The following CHERP variants were observed in gnomAD, a reference collection of about 807,000 sequenced individuals.
CHERP encodes the protein calcium homeostasis endoplasmic reticulum protein.
A neutral mutation model predicts 113.8 loss-of-function variants in CHERP; 8 were observed. That is an observed-to-expected ratio of 0.07 (90% CI 0.04 to 0.13). The LOEUF is 0.13. Among genes scored for constraint, CHERP ranks in the 10% least tolerant of loss-of-function variants. The pLI, the probability that CHERP is intolerant of heterozygous loss-of-function variation, is 1.00. For synonymous variants in CHERP, 559 were observed against 524.5 expected, an observed-to-expected ratio of 1.07 and a Z score of -0.90; for missense variants, 884 against 1,298.2, an observed-to-expected ratio of 0.68 and a Z score of 4.90.
intron 11 of CHERP, 87 bp from the exon 12 acceptor site, chr19:16,521,741 G>A: frequency 6.8e-6 from 9 of 1,324,230 alleles, no homozygotes; most frequent in Non-Finnish European, 9.0e-6. Flanking sequence ...GGTCAGGGCA[G>A]GGCCCAGGTT....
Position 16,532,882 on chromosome 19 carries a change from C to T in CHERP, c.522+129G>A. The stretch of plus-strand genomic sequence containing the variant: ...GCGTGGGGGGCACAGGGTCCCACAG[C>T]CTCAGGAGCTCCAGGCGGGAGGGAA... On this transcript the variant is annotated intron_variant, in intron 4 of 16. Coordinates refer to ENST00000546361, the MANE Select transcript of CHERP (RefSeq NM_006387.6). The surrounding 1 kb of genome is among the most constrained non-coding windows in gnomAD (Gnocchi z 4.4). 1 of 1,520,510 alleles carries T rather than the reference C, an allele frequency of 6.6e-7. No individual in the cohort carries two copies. Among genetic ancestry groups the T allele is most frequent in the African/African-American group, 1.4e-5 (1 of 73,096 alleles). 94.2% of individuals were successfully genotyped at this position (1,520,510 alleles called of 1,614,324 possible).
In CHERP at chr19:16,541,818, T is replaced by C. The variant is rs1012602130; in HGVS notation, c.199+52A>G. The C allele has an allele frequency of 2.5e-6, 4 of 1,570,686 alleles. No individual in the cohort carries two copies. In the African/African-American group the frequency reaches 5.5e-5, roughly 22 times the overall value. The stretch of plus-strand genomic sequence containing the variant: ...GTTTGTGGCAGAGCCCGGACTGGAA[T>C]CCGAGAAAGGAAGCGCTCGATGGGA... On this transcript the variant is annotated intron_variant, in intron 2 of 16. Coordinates refer to ENST00000546361, the MANE Select transcript of CHERP (RefSeq NM_006387.6).
At position 16,521,561 on chromosome 19, in the gene CHERP, C is replaced by T; in HGVS notation, c.2074G>A (p.Ala692Thr). The change falls in exon 12 of 17, where the codon GCC becomes ACC. Residue 692 changes from alanine to threonine, a missense_variant. This residue lies in a region of CHERP where 464 missense variants were observed against 590.1 expected (regional missense o/e 0.79). Transcript: ENST00000546361. The stretch of plus-strand genomic sequence containing the variant: ...TCGTGGGACGGGGGGCTGTAGAAGG[C>T]CTCCACTGCAGCCAGCAGCCTCTCG... Reference protein sequence around the residue: ...PSERLLAAVEAFYSPPSHDRP... With the variant: ...PSERLLAAVETFYSPPSHDRP... The T allele has an allele frequency of 6.2e-7, 1 of 1,605,782 alleles. No homozygotes were observed. The highest frequency in any genetic ancestry group is 8.5e-7 in the Non-Finnish European group (1 of 1,177,248).
At chr19:16,524,035 TGAGGCCCA>T (rs2085640001) in intron 10 of CHERP, among the ~76,000 whole-genome samples, 1 of 152,146 alleles carries the variant, frequency 6.6e-6, no homozygotes, top group South Asian at 2.1e-4. Context: ...GTAGATCACT[TGAGGCCCA>T]GAGTTTGAGA....
chr19:16,525,621 G>A lies in CHERP; in HGVS notation c.1362C>T (p.Pro454=), dbSNP rs889798888. The change falls in exon 10 of 17, where the codon CCC becomes CCT. Residue 454 remains proline, a synonymous_variant. Transcript: ENST00000546361. The surrounding 1 kb of genome is among the most constrained non-coding windows in gnomAD (Gnocchi z 6.5). Reference sequence around the variant, plus strand: ...ACATGCCCTCATGGCTGTTGTTCCAGGGGGGGCAGTGGGGTGGGCCGCCCT... The same window carrying A: ...ACATGCCCTCATGGCTGTTGTTCCAAGGGGGGCAGTGGGGTGGGCCGCCCT... The part of the protein sequence containing the change: ...HHQGGPPHCP[P]WNNSHEGMWG... 3 of 1,531,674 alleles carry A rather than the reference G, an allele frequency of 2.0e-6. No individual in the cohort carries two copies. The highest frequency in any genetic ancestry group is 1.8e-6 in the Non-Finnish European group (2 of 1,141,720). 94.9% of individuals were successfully genotyped at this position (1,531,674 alleles called of 1,614,324 possible). A position where few individuals can be genotyped will look rare whatever the true frequency, so the allele number is the denominator to read the frequency against.
At chr19:16,521,446 CAGA>C (rs1236746695) in intron 12 of CHERP, 72 bp downstream of exon 12, 12 of 1,387,530 alleles carry the variant, frequency 8.6e-6, no homozygotes, top group Admixed American at 5.3e-5. Flanking sequence ...CTAGCCTGGA[CAGA>C]AGGTGTGGTT....
At chr19:16,542,204 G>A (rs1364042095) in intron 1 of CHERP, 150 bp downstream of exon 1, 2 of 1,062,290 alleles carry the variant, frequency 1.9e-6, no homozygotes, top group African/African-American at 1.7e-5. Flanking sequence ...CACGCTCGCC[G>A]GGAATGCGGG....
rs746051767 is a variant in CHERP at position 16,520,107 on chromosome 19, C to T, written c.2462+42G>A. 2 of 1,586,622 alleles carry T rather than the reference C, an allele frequency of 1.3e-6. No individual in the cohort carries two copies. The highest frequency in any genetic ancestry group is 1.7e-6 in the Non-Finnish European group (2 of 1,158,920). On this transcript the variant is annotated intron_variant, in intron 15 of 16. Coordinates refer to ENST00000546361, the MANE Select transcript of CHERP (RefSeq NM_006387.6). The surrounding 1 kb of genome is among the most constrained non-coding windows in gnomAD (Gnocchi z 4.0). Reference sequence around the variant, plus strand: ...CCACATTCACAGCAAAGCACCGCAGCTTCCCAGAGTTACCAGCGCAGCACT... The same window carrying T: ...CCACATTCACAGCAAAGCACCGCAGTTTCCCAGAGTTACCAGCGCAGCACT...
At chr19:16,538,334 T>C (rs560274875) in intron 2 of CHERP, among the ~76,000 whole-genome samples, 5 of 152,202 alleles carry the variant, frequency 3.3e-5, no homozygotes, top group Non-Finnish European at 5.9e-5. Context: ...CCCCTTGTTT[T>C]CACCTGGCCA....
Position 16,535,219 on chromosome 19 carries a change from G to A in CHERP, c.384+233C>T, listed in dbSNP as rs1244769672. Reference sequence around the variant, plus strand: ...GTGCCCCACAGTCCCACTCAGGGGGGTCCACCCCAGGGTGATGGGTGCACG... The same window carrying A: ...GTGCCCCACAGTCCCACTCAGGGGGATCCACCCCAGGGTGATGGGTGCACG... On this transcript the variant is annotated intron_variant, in intron 3 of 16. Transcript: ENST00000546361. This position sits in a 1 kb window ranked among gnomAD's most constrained non-coding sequence, Gnocchi z 4.3. Among the ~76,000 whole-genome samples, 1 of 152,246 alleles carries A rather than the reference G, an allele frequency of 6.6e-6. No individual in the cohort carries two copies. Among genetic ancestry groups the A allele is most frequent in the Non-Finnish European group, 1.5e-5 (1 of 68,036 alleles).
intron 3 of CHERP, among the ~76,000 whole-genome samples, chr19:16,534,942 G>A (rs536623940): frequency 1.3e-5 from 2 of 152,206 alleles, no homozygotes; most frequent in African/African-American, 4.8e-5. Context: ...CGGGTGTGGT[G>A]GTGCATGCCT....
At chr19:16,540,604 C>T (rs895114063) in intron 2 of CHERP, among the ~76,000 whole-genome samples, 1 of 151,382 alleles carries the variant, frequency 6.6e-6, no homozygotes, top group East Asian at 1.9e-4. Flanking sequence ...GACTCCTAAC[C>T]TCAAGTGATC....
At chr19:16,539,887 A>G (rs1017708408) in intron 2 of CHERP, 1 of 152,288 alleles carries the variant, frequency 6.6e-6, no homozygotes, top group African/African-American at 2.4e-5. Flanking sequence ...CACTCAATCG[A>G]CACAGCGCAC....
In CHERP at chr19:16,518,744, A is replaced by C; in HGVS notation, c.*415T>G. On this transcript the variant is annotated 3_prime_UTR_variant, in exon 17 of 17. Transcript: ENST00000546361. ...GTGGGTGCGGGGAGCTGGAGGAAGG[A>C]GCTGGGGTGCCGGCTCTGGCTCAGG... 4.6e-6 allele frequency: 1 copy of C among 219,338 alleles called. No homozygotes were observed. The highest frequency in any genetic ancestry group is 9.0e-6 in the Non-Finnish European group (1 of 111,048). The allele number at this position is 219,338 out of a possible 1,614,324, so 13.6% of individuals were successfully genotyped here. A position where few individuals can be genotyped will look rare whatever the true frequency, so the allele number is the denominator to read the frequency against.
chr19:16,520,837 C>A lies in CHERP; in HGVS notation c.2190G>T (p.Glu730Asp). The change falls in exon 13 of 17, where the codon GAG becomes GAT. Residue 730 changes from glutamate to aspartate, a missense_variant. Glu to Asp is a conservative substitution (Grantham distance 45, BLOSUM62 2). Coordinates refer to ENST00000546361, the MANE Select transcript of CHERP (RefSeq NM_006387.6). The surrounding 1 kb of genome is among the most constrained non-coding windows in gnomAD (Gnocchi z 4.0). ...KMRARRRKGQ[E>D]KRNSGPSRSR... The stretch of plus-strand genomic sequence containing the variant: ...ATCTGCGCTTTTACCTGTTCCTCTT[C>A]TCCTGGCCTTTCCTCCGCCGGGCCC... 6.2e-7 allele frequency: 1 copy of A among 1,613,812 alleles called. No individual in the cohort carries two copies. The highest frequency in any genetic ancestry group is 8.5e-7 in the Non-Finnish European group (1 of 1,180,008).
Position 16,532,862 on chromosome 19 carries a change from G to A in CHERP, c.523-113C>T. ...CAGGGAAGGACACACCATGAGCGTG[G>A]GGGGCACAGGGTCCCACAGCCTCAG... On this transcript the variant is annotated intron_variant, in intron 4 of 16. Coordinates refer to ENST00000546361, the MANE Select transcript of CHERP (RefSeq NM_006387.6). This position sits in a 1 kb window ranked among gnomAD's most constrained non-coding sequence, Gnocchi z 4.4. The A allele has an allele frequency of 6.5e-7, 1 of 1,531,480 alleles. No individual in the cohort carries two copies. The highest frequency in any genetic ancestry group is 8.8e-7 in the Non-Finnish European group (1 of 1,133,456). The allele number at this position is 1,531,480 out of a possible 1,614,324, so 94.9% of individuals were successfully genotyped here.
Position 16,522,964 on chromosome 19 carries a change from C to T in CHERP, c.1980+88G>A. On this transcript the variant is annotated intron_variant, in intron 11 of 16. Coordinates refer to ENST00000546361, the MANE Select transcript of CHERP (RefSeq NM_006387.6). ...AGATGAAGGGGAGCCCCGGAAGGCA[C>T]CCGGTCCCGTGCATTCACTTTTCAC... is the stretch of plus-strand genomic sequence containing the variant. 5 of 1,432,584 alleles carry T rather than the reference C, an allele frequency of 3.5e-6. No individual in the cohort carries two copies. The South Asian group carries it at 7.4e-5, about 21-fold the overall frequency. The allele number at this position is 1,432,584 out of a possible 1,614,324, so 88.7% of individuals were successfully genotyped here. A position where few individuals can be genotyped will look rare whatever the true frequency, so the allele number is the denominator to read the frequency against.
At chr19:16,522,915 G>A (rs565162425) in intron 11 of CHERP, 137 bp downstream of exon 11, 268 of 1,017,330 alleles carry the variant, frequency 2.6e-4, no homozygotes, top group Non-Finnish European at 3.2e-4. Context: ...TCCCACTGAC[G>A]GATCAGGGTC....
chr19:16,526,507 G>T (rs1405266869), intron 9 of CHERP, among the ~76,000 whole-genome samples: 2 of 152,146 alleles, frequency 1.3e-5, no homozygotes, highest in East Asian at 3.8e-4. Context: ...TCGCTCTGTT[G>T]CCCAGGCTGG....
Sources: allele counts gnomAD v4.1 joint callset (sites outside exome capture counted in the v4.1 genomes callset), GRCh38; gene constraint gnomAD v4.1.1; regional missense constraint gnomAD v4.1.1; non-coding constraint Gnocchi (gnomAD v3.1); transcripts MANE v1.5; gene names NCBI Gene and HGNC (gene_info 2026-07-23, HGNC 2026-07-21).